FBN2: variants seen among roughly 807,000 people sequenced by gnomAD.
FBN2 encodes the protein fibrillin 2, also known as fibrillin-2.
Under a neutral mutation model 355.6 loss-of-function variants are expected in FBN2, and 105 were observed. The ratio of observed to expected loss-of-function variants is 0.30; its 90% CI spans 0.25 to 0.35. The LOEUF is 0.35. Ranked by LOEUF, FBN2 falls within the 10% of genes least tolerant of loss-of-function variation. FBN2 has a pLI of 1.00. For synonymous variants in FBN2, 1,350 were observed against 1,301.2 expected (o/e 1.04, Z -0.81); for missense variants, 3,280 against 3,758.7 (o/e 0.87, Z 3.33).
At chr5:128,305,994 A>G in intron 42 of FBN2, 46 bp from the exon 43 acceptor site, 1 of 1,555,900 alleles carries the variant, frequency 6.4e-7, no homozygotes, top group South Asian at 1.1e-5. Flanking sequence ...TCTGTTTAAT[A>G]TACTTACCAT....
chr5:128,372,619 G>C (rs991022651), intron 15 of FBN2, among the ~76,000 whole-genome samples: 1 of 152,068 alleles, frequency 6.6e-6, no homozygotes, highest in Admixed American at 6.6e-5. Flanking sequence ...AGCCTCCCAA[G>C]TAGCTGGAAT....
chr5:128,310,580 A>C (rs1455037077), intron 39 of FBN2, among the ~76,000 whole-genome samples: 2 of 151,576 alleles, frequency 1.3e-5, no homozygotes, highest in Non-Finnish European at 2.9e-5. Context: ...GAGATTCTTA[A>C]AGCAGTGCAG....
chr5:128,469,003 C>A (rs2127090220), intron 5 of FBN2, among the ~76,000 whole-genome samples: 1 of 151,946 alleles, frequency 6.6e-6, no homozygotes, highest in East Asian at 1.9e-4. Context: ...AATTGTATAA[C>A]TTGGAAATTA....
At chr5:128,388,574 T>A (rs1196225723) in intron 11 of FBN2, among the ~76,000 whole-genome samples, 1 of 152,228 alleles carries the variant, frequency 6.6e-6, no homozygotes, top group Non-Finnish European at 1.5e-5. Flanking sequence ...GAAAAATATT[T>A]TATTTCCCCT....
chr5:128,432,003 G>C (rs1409069225), intron 7 of FBN2, among the ~76,000 whole-genome samples: 3 of 152,136 alleles, frequency 2.0e-5, no homozygotes, highest in Admixed American at 6.5e-5. Context: ...CAGATAAGGG[G>C]ACTACTGTAA....
intron 52 of FBN2, 152 bp downstream of exon 52, chr5:128,288,975 A>G (rs1749239859): frequency 1.3e-6 from 1 of 773,086 alleles, no homozygotes; most frequent in Admixed American, 2.1e-5. Flanking sequence ...GTCTGACTGG[A>G]AAATGTAAGA....
intron 5 of FBN2, among the ~76,000 whole-genome samples, chr5:128,488,681 G>A (rs1472129138): frequency 1.3e-5 from 2 of 148,526 alleles, no homozygotes; most frequent in Non-Finnish European, 3.0e-5. Flanking sequence ...TCCCCAGAGT[G>A]TGATGTTCCC....
intron 2 of FBN2, among the ~76,000 whole-genome samples, chr5:128,531,005 G>C (rs1449158964): frequency 6.6e-6 from 1 of 152,056 alleles, no homozygotes; most frequent in Non-Finnish European, 1.5e-5. Context: ...TACCACTACT[G>C]GGTATCTACC....
chr5:128,482,121 T>C (rs983558261), intron 5 of FBN2, among the ~76,000 whole-genome samples: 1 of 152,122 alleles, frequency 6.6e-6, no homozygotes. Context: ...CAAAAATGGA[T>C]ATATAGAGCT....
At chr5:128,330,328 C>T (rs908316458) in intron 33 of FBN2, among the ~76,000 whole-genome samples, 4 of 151,934 alleles carry the variant, frequency 2.6e-5, no homozygotes, top group Admixed American at 6.6e-5. Context: ...GATAAAATGG[C>T]GAGTCATTAA....
intron 7 of FBN2, among the ~76,000 whole-genome samples, chr5:128,413,359 T>C (rs1753117483): frequency 6.6e-6 from 1 of 151,934 alleles, no homozygotes; most frequent in Non-Finnish European, 1.5e-5. Context: ...GGAAGGATCA[T>C]GGAGGAAGGA....
intron 7 of FBN2, among the ~76,000 whole-genome samples, chr5:128,437,771 T>C (rs559160386): frequency 7.6e-6 from 1 of 132,178 alleles, no homozygotes; most frequent in East Asian, 2.1e-4. Context: ...ATAGTATGTA[T>C]GTATAGATAG....
chr5:128,456,134 G>C (rs969117666), intron 6 of FBN2, among the ~76,000 whole-genome samples: 2 of 151,238 alleles, frequency 1.3e-5, no homozygotes, highest in African/African-American at 2.4e-5. Flanking sequence ...GGATGGCTTG[G>C]TCCCAAGACT....
chr5:128,537,243 G>A, intron 1 of FBN2, 107 bp downstream of exon 1: 1 of 1,512,946 alleles, frequency 6.6e-7, no homozygotes, highest in Non-Finnish European at 8.8e-7. Context: ...GCAGCTCTAG[G>A]CTCCAGCTAA....
chr5:128,342,595 A>G (rs532185472), intron 25 of FBN2, among the ~76,000 whole-genome samples: 82 of 152,218 alleles, frequency 5.4e-4, no homozygotes, highest in African/African-American at 1.8e-3. Context: ...TAGAGAGAGG[A>G]GAGAGGAGCG....
At chr5:128,285,020 A>T (rs184424790) in intron 55 of FBN2, among the ~76,000 whole-genome samples, 4 of 152,338 alleles carry the variant, frequency 2.6e-5, no homozygotes, top group Admixed American at 2.0e-4. Flanking sequence ...TGTTCTACTT[A>T]TCAGATTTCT....
At chr5:128,410,311 C>T (rs749049060) in intron 7 of FBN2, among the ~76,000 whole-genome samples, 14 of 152,170 alleles carry the variant, frequency 9.2e-5, no homozygotes, top group Non-Finnish European at 2.1e-4. Flanking sequence ...CTTAATACAA[C>T]TGAGCATGGA....
At chr5:128,482,434 C>T (rs1179517787) in intron 5 of FBN2, among the ~76,000 whole-genome samples, 1 of 152,100 alleles carries the variant, frequency 6.6e-6, no homozygotes, top group Non-Finnish European at 1.5e-5. Context: ...CAATGATCTA[C>T]CCAATGCATT....
At chr5:128,511,893 G>T (rs773525047) in intron 5 of FBN2, among the ~76,000 whole-genome samples, 1 of 152,096 alleles carries the variant, frequency 6.6e-6, no homozygotes, top group Admixed American at 6.5e-5. Context: ...ACCTATATAT[G>T]AGTTATACTA....
Sources: gnomAD v4.1 joint callset for allele counts (sites outside exome capture counted in the v4.1 genomes callset) on GRCh38, gnomAD v4.1.1 for gene constraint, MANE v1.5 for transcripts, NCBI Gene and HGNC (gene_info 2026-07-23, HGNC 2026-07-21) for gene names.